Variants in WDR17 observed in about 807,000 individuals in gnomAD.
The protein encoded by WDR17 is WD repeat-containing protein 17.
Under a neutral mutation model 161.7 loss-of-function variants are expected in WDR17, and 143 were observed. The ratio of observed to expected loss-of-function variants is 0.88; its 90% CI spans 0.77 to 1.02. The LOEUF is 1.02. WDR17 is among the 50% of genes least tolerant of loss of function. The pLI is 0.00. For synonymous variants in WDR17, 517 were observed against 515.6 expected, an observed-to-expected ratio of 1.00 and a Z score of -0.04; for missense variants, 1,469 against 1,520.9, an observed-to-expected ratio of 0.97 and a Z score of 0.57.
intron 21 of WDR17, 143 bp from the exon 22 acceptor site, chr4:176,163,011 T>C (rs1749264550): frequency 2.7e-6 from 3 of 1,095,964 alleles, no homozygotes; most frequent in Non-Finnish European, 3.8e-6. Flanking sequence ...ATAGCTACTT[T>C]ATAGGAATAT....
intron 1 of WDR17, among the ~76,000 whole-genome samples, chr4:176,089,240 T>A (rs1316106973): frequency 6.6e-6 from 1 of 152,176 alleles, no homozygotes; most frequent in East Asian, 1.9e-4. Context: ...TCAGGGCTTC[T>A]TTTAGTTACA....
intron 1 of WDR17, among the ~76,000 whole-genome samples, chr4:176,076,198 G>A (rs1157565331): frequency 2.0e-4 from 15 of 73,802 alleles, no homozygotes; most frequent in African/African-American, 5.6e-4. Flanking sequence ...ATAGTTAACT[G>A]TATGTTTACA....
chr4:176,133,223 A>G (rs1399536241), intron 7 of WDR17, among the ~76,000 whole-genome samples: 2 of 140,388 alleles, frequency 1.4e-5, no homozygotes, highest in East Asian at 4.0e-4. Flanking sequence ...AATTACAAGC[A>G]AAGTCCTCTG....
chr4:176,135,287 T>C lies in WDR17; in HGVS notation c.1267+11T>C. ...TTTCTTGGGCTCCAGGTAAGAGATA[T>C]TTTATTGAAATTAGGAATACAATGA... is the stretch of plus-strand genomic sequence containing the variant. On this transcript the variant is annotated intron_variant, in intron 8 of 28. Transcript: ENST00000508596. 1.2e-6 allele frequency: 2 copies of C among 1,611,314 alleles called. No homozygotes were observed. The highest frequency in any genetic ancestry group is 1.7e-6 in the Non-Finnish European group (2 of 1,177,806).
At chr4:176,166,035 A>C in intron 22 of WDR17, 3 of 649,528 alleles carry the variant, frequency 4.6e-6, no homozygotes, top group Non-Finnish European at 7.6e-6. Flanking sequence ...AGCTATAAAC[A>C]GCGCTTTTTT....
intron 17 of WDR17, among the ~76,000 whole-genome samples, chr4:176,155,790 T>C (rs1748030450): frequency 1.3e-5 from 2 of 150,016 alleles, no homozygotes. Context: ...CTCAAACTCC[T>C]AGCCTCAAGC....
intron 17 of WDR17, among the ~76,000 whole-genome samples, 189 bp from the exon 18 acceptor site, chr4:176,155,890 T>A (rs1204075168): frequency 2.3e-4 from 35 of 151,584 alleles, no homozygotes; most frequent in Non-Finnish European, 1.5e-5. Context: ...AGAGGTAAAA[T>A]TAGTGCTCTT....
intron 1 of WDR17, among the ~76,000 whole-genome samples, chr4:176,106,751 C>G (rs922788067): frequency 1.3e-5 from 2 of 152,060 alleles, no homozygotes; most frequent in Admixed American, 6.6e-5. Flanking sequence ...GCCAGGAGTT[C>G]GAGACCAACC....
At chr4:176,108,174 C>A (rs1200553053) in intron 1 of WDR17, among the ~76,000 whole-genome samples, 4 of 151,854 alleles carry the variant, frequency 2.6e-5, no homozygotes, top group African/African-American at 9.7e-5. Flanking sequence ...GAATTGTACA[C>A]TTAAAAATGG....
chr4:176,070,047 C>T (rs753497710), intron 1 of WDR17, among the ~76,000 whole-genome samples: 13 of 152,136 alleles, frequency 8.5e-5, no homozygotes, highest in Middle Eastern at 3.4e-3. Context: ...ACTCTAACAC[C>T]GTTATTCTGT....
intron 1 of WDR17, 199 bp from the exon 2 acceptor site, chr4:176,111,376 T>G: frequency 2.6e-6 from 1 of 381,088 alleles, no homozygotes; most frequent in Non-Finnish European, 4.5e-6. Context: ...GCTTTCCTCA[T>G]TTAAATTAGT....
intron 20 of WDR17, among the ~76,000 whole-genome samples, chr4:176,161,417 T>A (rs558536237): frequency 5.9e-5 from 9 of 152,272 alleles, no homozygotes; most frequent in East Asian, 3.9e-4. Context: ...GTATCTAGAA[T>A]AATGTTTGGT....
intron 11 of WDR17, among the ~76,000 whole-genome samples, chr4:176,144,899 C>T (rs1745918588): frequency 6.6e-6 from 1 of 151,818 alleles, no homozygotes; most frequent in South Asian, 2.1e-4. Context: ...AAAATATACT[C>T]ATATATGCAT....
rs200507570 is a variant in WDR17 at position 176,125,122 on chromosome 4, A to T, written c.557A>T (p.His186Leu). ...IFHPGNKNQK[H>L]VLRPESLEGT... is the part of the protein sequence containing the mutation. ...TTAACAGGTAATAAAAATCAGAAACATGTTTTGAGACCAGAATCTCTTGAA... is the reference window on the plus strand; with the variant it reads ...TTAACAGGTAATAAAAATCAGAAACTTGTTTTGAGACCAGAATCTCTTGAA... The change falls in exon 5 of 29, where the codon CAT (histidine) becomes CTT (leucine). Residue 186 changes from histidine to leucine, a missense_variant. By Grantham distance (99) the His-to-Leu change is moderately conservative. Coordinates refer to ENST00000508596, the MANE Select transcript of WDR17 (RefSeq NM_181265.4). The T allele has an allele frequency of 1.9e-6, 3 of 1,614,044 alleles. No individual in the cohort carries two copies. Among genetic ancestry groups the T allele is most frequent in the Admixed American group, 3.3e-5 (2 of 60,004 alleles).
intron 17 of WDR17, among the ~76,000 whole-genome samples, chr4:176,152,378 C>G (rs976133443): frequency 1.3e-5 from 2 of 149,758 alleles, no homozygotes; most frequent in Non-Finnish European, 3.0e-5. Context: ...GGGTGGATCA[C>G]GAGGTCAGGA....
Position 176,149,880 on chromosome 4 carries a change from A to G in WDR17, c.1971A>G (p.Ser657=). ...GTGACTCTACAGTGAGACTCTGGTC[A>G]TTAACAGCCTTAGTCACTCCTGTAC... is the stretch of plus-strand genomic sequence containing the variant. The part of the protein sequence containing the change: ...CSRDSTVRLW[S]LTALVTPVQI... Residue 657 remains serine (S), a synonymous_variant, in exon 14 of 29, where the codon TCA becomes TCG. Transcript: ENST00000508596. 1.2e-6 allele frequency: 2 copies of G among 1,614,126 alleles called. No homozygotes were observed. The highest frequency in any genetic ancestry group is 1.3e-5 in the African/African-American group (1 of 75,056).
intron 4 of WDR17, among the ~76,000 whole-genome samples, chr4:176,121,363 G>T (rs978663113): frequency 6.6e-6 from 1 of 151,992 alleles, no homozygotes; most frequent in Non-Finnish European, 1.5e-5. Context: ...CTTTGTCTCC[G>T]GCAGTCTTCC....
intron 13 of WDR17, among the ~76,000 whole-genome samples, chr4:176,149,346 G>A (rs891937559): frequency 9.3e-5 from 14 of 151,324 alleles, no homozygotes; most frequent in Non-Finnish European, 1.6e-4. Flanking sequence ...CACAGCTCAC[G>A]TCAACCTTCA....
At chr4:176,171,475 G>A (rs578129475) in intron 23 of WDR17, among the ~76,000 whole-genome samples, 5 of 152,140 alleles carry the variant, frequency 3.3e-5, no homozygotes, top group South Asian at 2.1e-4. Flanking sequence ...TGAGAGCCCC[G>A]TTAATTCAGT....
Sources: gnomAD v4.1 joint callset for allele counts (sites outside exome capture counted in the v4.1 genomes callset) on GRCh38, gnomAD v4.1.1 for gene constraint, MANE v1.5 for transcripts, NCBI Gene and HGNC (gene_info 2026-07-23, HGNC 2026-07-21) for gene names.